The following CTNNA3 variants were observed in gnomAD, a reference collection of about 807,000 sequenced individuals.
CTNNA3 encodes catenin alpha 3.
Under a neutral mutation model 95.7 loss-of-function variants are expected in CTNNA3, and 76 were observed. The observed-to-expected ratio is 0.79, with a 90% CI of 0.66 to 0.96. The LOEUF is 0.96. Ranked by LOEUF, CTNNA3 falls within the 40% of genes least tolerant of loss-of-function variation. The pLI, the probability that CTNNA3 is intolerant of heterozygous loss-of-function variation, is 0.00. For missense variants in CTNNA3, 1,191 were observed against 1,089.8 expected (o/e 1.09, Z -1.31); for synonymous variants, 431 against 374.4 (o/e 1.15, Z -1.74).
intron 7 of CTNNA3, among the ~76,000 whole-genome samples, chr10:67,044,919 A>G (rs1263230810): frequency 6.6e-6 from 1 of 152,174 alleles, no homozygotes; most frequent in Admixed American, 6.5e-5. Context: ...CCCTGGGAAA[A>G]ACGGGGATAA....
intron 12 of CTNNA3, among the ~76,000 whole-genome samples, chr10:66,331,927 C>T (rs1162708628): frequency 3.9e-5 from 6 of 151,928 alleles, no homozygotes. Flanking sequence ...ATTCTTCCTA[C>T]CCATGAGCAT....
chr10:65,976,379 C>G (rs1384880817), intron 16 of CTNNA3, among the ~76,000 whole-genome samples: 4 of 152,116 alleles, frequency 2.6e-5, no homozygotes, highest in African/African-American at 9.7e-5. Context: ...TGCAATCACT[C>G]AAGTTTAAGC....
At chr10:67,436,395 T>C (rs757028229) in intron 5 of CTNNA3, among the ~76,000 whole-genome samples, 15 of 152,232 alleles carry the variant, frequency 9.9e-5, no homozygotes, top group Non-Finnish European at 1.9e-4. Flanking sequence ...AGAAAACCCT[T>C]CTAGACATTG....
At chr10:67,459,034 G>A (rs1221070716) in intron 5 of CTNNA3, among the ~76,000 whole-genome samples, 2 of 152,164 alleles carry the variant, frequency 1.3e-5, no homozygotes, top group African/African-American at 4.8e-5. Flanking sequence ...TTAAGAAGGT[G>A]AAGCCTAGAA....
chr10:67,425,728 A>G (rs1362904139), intron 5 of CTNNA3, among the ~76,000 whole-genome samples: 2 of 152,036 alleles, frequency 1.3e-5, no homozygotes, highest in Non-Finnish European at 2.9e-5. Context: ...GAGATGAATC[A>G]CAGAGGGGTC....
At chr10:67,750,838 G>A in intron 1 of CTNNA3, 1 of 1,610,994 alleles carries the variant, frequency 6.2e-7, no homozygotes. Context: ...TAACCAGGTT[G>A]AGTGTCACCC....
intron 13 of CTNNA3, among the ~76,000 whole-genome samples, chr10:66,204,565 G>C (rs140221773): frequency 6.6e-6 from 1 of 152,218 alleles, no homozygotes; most frequent in African/African-American, 2.4e-5. Flanking sequence ...AGCTCCAGAC[G>C]TGTATCTCCT....
chr10:66,135,308 T>C (rs553199644), intron 13 of CTNNA3, among the ~76,000 whole-genome samples: 9 of 152,244 alleles, frequency 5.9e-5, no homozygotes, highest in African/African-American at 2.2e-4. Context: ...GAATATTTTG[T>C]TGGGCGAGAA....
At chr10:67,113,468 C>A (rs1859008455) in intron 7 of CTNNA3, among the ~76,000 whole-genome samples, 1 of 152,136 alleles carries the variant, frequency 6.6e-6, no homozygotes, top group East Asian at 1.9e-4. Flanking sequence ...GATCACTAAG[C>A]AAAATAGGAG....
At chr10:67,138,357 C>A (rs1373977163) in intron 7 of CTNNA3, among the ~76,000 whole-genome samples, 4 of 152,172 alleles carry the variant, frequency 2.6e-5, no homozygotes, top group Non-Finnish European at 4.4e-5. Flanking sequence ...ACAAAAATAA[C>A]ATTTCTCATT....
At chr10:67,287,594 G>A (rs1440903882) in intron 5 of CTNNA3, among the ~76,000 whole-genome samples, 1 of 152,124 alleles carries the variant, frequency 6.6e-6, no homozygotes, top group Non-Finnish European at 1.5e-5. Context: ...TTTTCTTCTT[G>A]TAGCCATTCA....
chr10:67,224,857 C>G (rs1203720543), intron 5 of CTNNA3, among the ~76,000 whole-genome samples: 2 of 152,136 alleles, frequency 1.3e-5, no homozygotes, highest in African/African-American at 4.8e-5. Flanking sequence ...ACAATTTGAA[C>G]AGGGTGAGAA....
At chr10:66,083,701 T>G (rs573758798) in intron 14 of CTNNA3, among the ~76,000 whole-genome samples, 1 of 152,286 alleles carries the variant, frequency 6.6e-6, no homozygotes, top group Non-Finnish European at 1.5e-5. Flanking sequence ...AACCATCGTA[T>G]ATCCATTACT....
intron 5 of CTNNA3, among the ~76,000 whole-genome samples, chr10:67,433,725 A>G (rs1322622945): frequency 6.6e-6 from 1 of 152,134 alleles, no homozygotes. Context: ...AATAAAATGA[A>G]TGAATAAATG....
chr10:67,088,629 G>C (rs1028237736), intron 7 of CTNNA3, among the ~76,000 whole-genome samples: 1 of 151,974 alleles, frequency 6.6e-6, no homozygotes, highest in African/African-American at 2.4e-5. Context: ...TTTGATGCAA[G>C]GAGAACTGTG....
chr10:65,954,803 T>C (rs1389749814), intron 17 of CTNNA3, among the ~76,000 whole-genome samples: 1 of 152,212 alleles, frequency 6.6e-6, no homozygotes, highest in Non-Finnish European at 1.5e-5. Context: ...GTAGCATAGT[T>C]TGAAGTCAGG....
intron 9 of CTNNA3, among the ~76,000 whole-genome samples, chr10:66,764,110 A>G (rs1390102353): frequency 1.3e-5 from 2 of 152,212 alleles, no homozygotes; most frequent in African/African-American, 4.8e-5. Context: ...AGTGAAAACC[A>G]GAACTCAAAT....
chr10:66,184,365 TA>T (rs950081756), intron 13 of CTNNA3, among the ~76,000 whole-genome samples: 1 of 152,198 alleles, frequency 6.6e-6, no homozygotes. Context: ...ATTTTTATGG[TA>T]TACAATTTTA....
At chr10:67,380,764 G>C (rs570517942) in intron 5 of CTNNA3, among the ~76,000 whole-genome samples, 14 of 152,192 alleles carry the variant, frequency 9.2e-5, no homozygotes, top group Non-Finnish European at 1.8e-4. Context: ...GAACTGATAT[G>C]ATTTGAGTAA....
Sources: allele counts gnomAD v4.1 joint callset (sites outside exome capture counted in the v4.1 genomes callset), GRCh38; gene constraint gnomAD v4.1.1; transcripts MANE v1.5; gene names NCBI Gene and HGNC (gene_info 2026-07-23, HGNC 2026-07-21).